The following RNASEH2B variants were observed in gnomAD, a reference collection of about 807,000 sequenced individuals.
RNASEH2B encodes ribonuclease H2 subunit B.
In RNASEH2B, 36 loss-of-function variants were observed where a neutral mutation model predicts 45.0. The observed-to-expected ratio is 0.80, with a 90% CI of 0.61 to 1.06. RNASEH2B has a LOEUF of 1.06. Among genes scored for constraint, RNASEH2B ranks in the 50% least tolerant of loss-of-function variants. The pLI, the probability that RNASEH2B is intolerant of heterozygous loss-of-function variation, is 0.00. For missense variants in RNASEH2B, 361 were observed against 360.3 expected (o/e 1.00, Z -0.02); for synonymous variants, 119 against 125.7 (o/e 0.95, Z 0.35).
At chr13:50,940,862 T>A (rs1179899102) in intron 5 of RNASEH2B, 2 of 152,174 alleles carry the variant, frequency 1.3e-5, no homozygotes, top group Non-Finnish European at 2.9e-5. Context: ...GAGAGGTTGT[T>A]AGGAGGTACT....
At chr13:50,967,037 T>C (rs896042577) in intron 9 of RNASEH2B, among the ~76,000 whole-genome samples, 37 of 152,322 alleles carry the variant, frequency 2.4e-4, no homozygotes, top group Non-Finnish European at 4.7e-4. Context: ...GAGGAAGTCA[T>C]TGGCATCTCT....
intron 7 of RNASEH2B, among the ~76,000 whole-genome samples, chr13:50,945,839 G>A (rs1418754771): frequency 6.6e-6 from 1 of 152,076 alleles, no homozygotes; most frequent in Non-Finnish European, 1.5e-5. Flanking sequence ...TTGCTAAGTT[G>A]CCACTATACA....
intron 1 of RNASEH2B, chr13:50,911,924 G>A (rs767801698): frequency 1.3e-5 from 2 of 152,074 alleles, no homozygotes; most frequent in Non-Finnish European, 2.9e-5. Context: ...CATTTTATAC[G>A]TGTGTTTGTG....
chr13:50,944,029 C>T lies in RNASEH2B; in HGVS notation c.510+635C>T, dbSNP rs144203673. ...ACGGGATGGGATGGGACGGGACGGACGGGACGTGATGGGACGGGACGGGAT... is the reference window on the plus strand; with the variant it reads ...ACGGGATGGGATGGGACGGGACGGATGGGACGTGATGGGACGGGACGGGAT... On this transcript the variant is annotated intron_variant, in intron 6 of 10. Coordinates refer to ENST00000336617, the MANE Select transcript of RNASEH2B (RefSeq NM_024570.4). 6.6e-3 allele frequency among the ~76,000 whole-genome samples: 693 copies of T among 104,324 alleles called. 4 individuals are homozygous for T. Among genetic ancestry groups the T allele is most frequent in the African/African-American group, 0.024 (649 of 27,138 alleles). 68.4% of individuals were successfully genotyped at this position (104,324 alleles called of 152,430 possible).
At chr13:50,962,555 T>C (rs1372153284) in intron 9 of RNASEH2B, among the ~76,000 whole-genome samples, 2 of 152,198 alleles carry the variant, frequency 1.3e-5, no homozygotes, top group Non-Finnish European at 2.9e-5. Context: ...ATATTCCCTT[T>C]TTCATACCTG....
intron 4 of RNASEH2B, among the ~76,000 whole-genome samples, chr13:50,933,706 C>T (rs993678317): frequency 1.3e-5 from 2 of 152,012 alleles, no homozygotes; most frequent in African/African-American, 4.8e-5. Flanking sequence ...TAGTTAATTA[C>T]AAAATTATTT....
chr13:50,922,511 T>G (rs894190000), intron 1 of RNASEH2B, among the ~76,000 whole-genome samples: 1 of 152,188 alleles, frequency 6.6e-6, no homozygotes, highest in South Asian at 2.1e-4. Context: ...ATTGGATCAC[T>G]TATTGGTTCA....
rs1363327705 is a variant in RNASEH2B at position 50,943,356 on chromosome 13, T to C, written c.472T>C (p.Tyr158His). The C allele has an allele frequency of 6.2e-7, 1 of 1,605,816 alleles. No homozygotes were observed. Among genetic ancestry groups the C allele is most frequent in the South Asian group, 1.1e-5 (1 of 90,896 alleles). Residue 158 changes from tyrosine to histidine, a missense_variant, in exon 6 of 11, where the codon TAC becomes CAC. Tyr to His is a moderately conservative substitution (Grantham distance 83, BLOSUM62 2). Coordinates refer to ENST00000336617, the MANE Select transcript of RNASEH2B (RefSeq NM_024570.4). ...AATAGACAACAAGAAATATTACAAG[T>C]ACAGCAAAGAGAAGACATTAAAGTG... ...PEIDNKKYYK[Y>H]SKEKTLKWLE...
At chr13:50,933,159 T>A (rs577084670) in intron 4 of RNASEH2B, among the ~76,000 whole-genome samples, 15 of 152,224 alleles carry the variant, frequency 9.9e-5, no homozygotes, top group Admixed American at 4.6e-4. Flanking sequence ...TGTGGTGTTT[T>A]CTAGGATAAA....
intron 9 of RNASEH2B, chr13:50,952,911 C>T (rs543013772): frequency 6.6e-6 from 1 of 152,190 alleles, no homozygotes; most frequent in East Asian, 1.9e-4. Context: ...GTTTTATCCT[C>T]TTGGGTTATG....
chr13:50,935,925 G>A (rs1951745993), intron 5 of RNASEH2B: 1 of 152,224 alleles, frequency 6.6e-6, no homozygotes, highest in Admixed American at 6.5e-5. Context: ...ATCCAGACAG[G>A]AGATAATGGT....
downstream of RNASEH2B, chr13:50,960,137 T>C: frequency 8.8e-7 from 1 of 1,140,804 alleles, no homozygotes; most frequent in Non-Finnish European, 1.1e-6. Context: ...AAATCTGTTT[T>C]TTTCCAGCTA....
intron 1 of RNASEH2B, among the ~76,000 whole-genome samples, chr13:50,922,203 C>A (rs2137907894): frequency 6.6e-6 from 1 of 152,228 alleles, no homozygotes; most frequent in Middle Eastern, 3.4e-3. Flanking sequence ...TCTGAGGGGT[C>A]AATACCAGTT....
At chr13:50,958,362 G>C (rs1366106737), downstream of RNASEH2B, among the ~76,000 whole-genome samples, 1 of 152,068 alleles carries the variant, frequency 6.6e-6, no homozygotes, top group Non-Finnish European at 1.5e-5. Context: ...TTTCCCCATT[G>C]CTTATTTTTG....
intron 5 of RNASEH2B, chr13:50,936,002 GT>G (rs1164016943): frequency 6.6e-6 from 1 of 152,238 alleles, no homozygotes; most frequent in African/African-American, 2.4e-5. Flanking sequence ...ACTGCATCTG[GT>G]TGTTGGGTGG....
intron 10 of RNASEH2B, chr13:50,955,249 T>G (rs1370121899): frequency 6.6e-6 from 1 of 152,196 alleles, no homozygotes; most frequent in Non-Finnish European, 1.5e-5. Flanking sequence ...GCCCTTTGAG[T>G]TTAATGTTTT....
intron 9 of RNASEH2B, among the ~76,000 whole-genome samples, chr13:50,966,064 GAAT>G (rs1218919342): frequency 6.6e-6 from 1 of 152,116 alleles, no homozygotes; most frequent in Non-Finnish European, 1.5e-5. Flanking sequence ...TAACTGAGCT[GAAT>G]AATAATTGAA....
chr13:50,959,816 C>G (rs1952092950), downstream of RNASEH2B: 1 of 171,080 alleles, frequency 5.8e-6, no homozygotes, highest in Non-Finnish European at 1.2e-5. Flanking sequence ...TTTAAATATG[C>G]TGTGAGGTAA....
At chr13:50,953,087 T>C (rs1429116884) in intron 9 of RNASEH2B, 1 of 152,166 alleles carries the variant, frequency 6.6e-6, no homozygotes, top group African/African-American at 2.4e-5. Flanking sequence ...CTGAAAATTA[T>C]AAAAATCTGG....
Sources: gnomAD v4.1 joint callset for allele counts (sites outside exome capture counted in the v4.1 genomes callset) on GRCh38, gnomAD v4.1.1 for gene constraint, MANE v1.5 for transcripts, NCBI Gene and HGNC (gene_info 2026-07-23, HGNC 2026-07-21) for gene names.